CRPPA: variants seen among roughly 807,000 people sequenced by gnomAD.
CRPPA encodes the protein CDP-L-ribitol pyrophosphorylase A.
A neutral mutation model predicts 52.0 loss-of-function variants in CRPPA; 43 were observed. The observed-to-expected ratio is 0.83, with a 90% confidence interval of 0.65 to 1.07. The LOEUF (loss-of-function observed/expected upper bound fraction) is 1.07. CRPPA is among the 50% of genes least tolerant of loss of function. The pLI is 0.00. For missense variants in CRPPA, 629 were observed against 551.7 expected, an observed-to-expected ratio of 1.14 and a Z score of -1.40; for synonymous variants, 250 against 203.5, an observed-to-expected ratio of 1.23 and a Z score of -1.94.
Position 16,089,801 on chromosome 7 carries a change from G to C in CRPPA, c.*1894C>G, listed in dbSNP as rs1040739970. The C allele has an allele frequency of 5.7e-6, 1 of 174,272 alleles. No homozygotes were observed. The highest frequency in any genetic ancestry group is 1.3e-5 in the Non-Finnish European group (1 of 79,592). 10.8% of individuals were successfully genotyped at this position (174,272 alleles called of 1,614,324 possible). A position where few individuals can be genotyped will look rare whatever the true frequency, so the allele number is the denominator to read the frequency against. ...CTGAGATAAATTCTTGTCTGCTGTA[G>C]GATTCCTTAAGCTGAAGTCTATGTT... On this transcript the variant is annotated 3_prime_UTR_variant, in exon 10 of 10. Transcript: ENST00000407010.
chr7:16,322,668 A>T (rs187775919), intron 3 of CRPPA, among the ~76,000 whole-genome samples: 5 of 152,306 alleles, frequency 3.3e-5, no homozygotes, highest in Non-Finnish European at 5.9e-5. Flanking sequence ...AAATTTCTAC[A>T]GACCAGTGAT....
chr7:16,239,921 A>T (rs1299752639), intron 8 of CRPPA, among the ~76,000 whole-genome samples: 1 of 152,178 alleles, frequency 6.6e-6, no homozygotes, highest in East Asian at 1.9e-4. Context: ...TTTTATTCAC[A>T]CATTGCTTCA....
At position 16,156,866 on chromosome 7, in the gene CRPPA, T is replaced by C. The variant is rs548876339; in HGVS notation, c.1251+59200A>G. 1.1e-4 allele frequency among the ~76,000 whole-genome samples: 16 copies of C among 152,256 alleles called. 1 individual carries two copies. In the South Asian group the frequency reaches 2.1e-3, roughly 20 times the overall value. On this transcript the variant is annotated intron_variant, in intron 9 of 9. Transcript: ENST00000407010. ...TTTTTCATACATTTTAGGGGGCTCATAGATCACCTGAAATCAAGCCAGCAA... is the reference window on the plus strand; with the variant it reads ...TTTTTCATACATTTTAGGGGGCTCACAGATCACCTGAAATCAAGCCAGCAA...
intron 3 of CRPPA, among the ~76,000 whole-genome samples, chr7:16,366,043 G>C (rs1786581022): frequency 6.6e-6 from 1 of 152,196 alleles, no homozygotes; most frequent in Admixed American, 6.5e-5. Flanking sequence ...CATAATTCGA[G>C]AGGCTGGGAA....
intron 9 of CRPPA, among the ~76,000 whole-genome samples, chr7:16,131,040 G>C (rs1782671413): frequency 1.3e-5 from 2 of 152,184 alleles, no homozygotes; most frequent in African/African-American, 4.8e-5. Flanking sequence ...CCTTGAACTT[G>C]CCAGTTTCTA....
At chr7:16,407,689 A>C (rs1787987167) in intron 1 of CRPPA, among the ~76,000 whole-genome samples, 1 of 152,166 alleles carries the variant, frequency 6.6e-6, no homozygotes, top group South Asian at 2.1e-4. Flanking sequence ...CCACAACCAA[A>C]AACCCCATTC....
intron 9 of CRPPA, among the ~76,000 whole-genome samples, chr7:16,188,125 C>T (rs1016609994): frequency 4.7e-5 from 7 of 148,072 alleles, no homozygotes; most frequent in African/African-American, 1.5e-4. Context: ...CAGCTCACTG[C>T]AAGCTCTGCC....
intron 3 of CRPPA, among the ~76,000 whole-genome samples, chr7:16,314,234 C>T (rs762995177): frequency 2.6e-5 from 4 of 151,658 alleles, no homozygotes; most frequent in East Asian, 1.9e-4. Context: ...GAAGATTGAC[C>T]CTTCTATCAT....
Position 16,352,820 on chromosome 7 carries a change from T to C in CRPPA, c.684+23272A>G, listed in dbSNP as rs140198327. The stretch of plus-strand genomic sequence containing the variant: ...CCCAAATTCACTGCAGGACGTCACA[T>C]TAGCCAAGATATGGAAACAACTTAA... On this transcript the variant is annotated intron_variant, in intron 3 of 9. Transcript: ENST00000407010. 7.7e-3 allele frequency among the ~76,000 whole-genome samples: 1,164 copies of C among 151,404 alleles called. 16 individuals carry two copies. The highest frequency in any genetic ancestry group is 0.026 in the African/African-American group (1,057 of 41,168).
intron 3 of CRPPA, among the ~76,000 whole-genome samples, chr7:16,322,318 T>C (rs1785281888): frequency 6.6e-6 from 1 of 152,228 alleles, no homozygotes; most frequent in South Asian, 2.1e-4. Context: ...TTTACTAACT[T>C]GGGCAAGATA....
chr7:16,306,564 G>T (rs1784916641), intron 4 of CRPPA, among the ~76,000 whole-genome samples: 1 of 152,176 alleles, frequency 6.6e-6, no homozygotes, highest in African/African-American at 2.4e-5. Flanking sequence ...CTCAGAACAT[G>T]CAAAAGAGGT....
intron 1 of CRPPA, among the ~76,000 whole-genome samples, chr7:16,407,694 C>T (rs1787987297): frequency 6.6e-6 from 1 of 152,152 alleles, no homozygotes; most frequent in Non-Finnish European, 1.5e-5. Flanking sequence ...ACCAAAAACC[C>T]CATTCTGCCT....
intron 3 of CRPPA, among the ~76,000 whole-genome samples, chr7:16,336,399 A>C (rs1358904287): frequency 1.3e-5 from 2 of 152,130 alleles, no homozygotes; most frequent in Non-Finnish European, 2.9e-5. Flanking sequence ...TATGTAATTA[A>C]AGGCAAGTTG....
chr7:16,158,323 C>T (rs926539594), intron 9 of CRPPA, among the ~76,000 whole-genome samples: 1 of 151,996 alleles, frequency 6.6e-6, no homozygotes, highest in Non-Finnish European at 1.5e-5. Context: ...TACATTTCCC[C>T]TTCTGAATTC....
In CRPPA at chr7:16,314,658, G is replaced by C. The variant is rs1562626237; in HGVS notation, c.685-6031C>G. On this transcript the variant is annotated intron_variant, in intron 3 of 9. Coordinates refer to ENST00000407010, the MANE Select transcript of CRPPA (RefSeq NM_001101426.4). Reference sequence around the variant, plus strand: ...TAAAGTCCATTCCTTCTTTACTTTTGAAAAATAATTTTGCTGGGAACAGAA... The same window carrying C: ...TAAAGTCCATTCCTTCTTTACTTTTCAAAAATAATTTTGCTGGGAACAGAA... Among the ~76,000 whole-genome samples, 3 of 151,864 alleles carry C rather than the reference G, an allele frequency of 2.0e-5. No homozygotes were observed. The East Asian group carries it at 5.8e-4, about 29-fold the overall frequency.
At chr7:16,399,062 G>T (rs898107739) in intron 2 of CRPPA, among the ~76,000 whole-genome samples, 1 of 152,156 alleles carries the variant, frequency 6.6e-6, no homozygotes, top group Non-Finnish European at 1.5e-5. Context: ...ATTCACAATT[G>T]GTGCATGACC....
At position 16,337,839 on chromosome 7, in the gene CRPPA, G is replaced by C. The variant is rs1272437813; in HGVS notation, c.685-29212C>G. 5.3e-5 allele frequency among the ~76,000 whole-genome samples: 8 copies of C among 152,042 alleles called. 1 individual carries two copies. The East Asian group carries it at 1.5e-3, about 29-fold the overall frequency. ...TCTAAATAAACCAATAACAATTAAG[G>C]ACACTGCAATCAGTGCTAAGTTTCC... On this transcript the variant is annotated intron_variant, in intron 3 of 9. Transcript: ENST00000407010.
At chr7:16,189,998 C>T (rs908907049) in intron 9 of CRPPA, among the ~76,000 whole-genome samples, 1 of 152,126 alleles carries the variant, frequency 6.6e-6, no homozygotes, top group African/African-American at 2.4e-5. Context: ...AGTAGAGGGA[C>T]ATTTACTGAT....
chr7:16,372,203 G>A (rs1249375132), intron 3 of CRPPA, among the ~76,000 whole-genome samples: 1 of 152,052 alleles, frequency 6.6e-6, no homozygotes, highest in African/African-American at 2.4e-5. Context: ...AAAAACTCCT[G>A]GGAAATTCAT....
Sources: gnomAD v4.1 joint callset for allele counts (sites outside exome capture counted in the v4.1 genomes callset) on GRCh38, gnomAD v4.1.1 for gene constraint, MANE v1.5 for transcripts, NCBI Gene and HGNC (gene_info 2026-07-23, HGNC 2026-07-21) for gene names.